The following CNTNAP2 variants were observed in gnomAD, a reference collection of about 807,000 sequenced individuals.
CNTNAP2 encodes the protein contactin associated protein 2.
Under a neutral mutation model 155.2 loss-of-function variants are expected in CNTNAP2, and 98 were observed. That is an observed-to-expected ratio of 0.63 (90% CI 0.54 to 0.75). The LOEUF (loss-of-function observed/expected upper bound fraction) is 0.75. CNTNAP2 is among the 30% of genes least tolerant of loss of function. CNTNAP2 has a pLI of 0.00. For missense variants in CNTNAP2, 1,727 were observed against 1,688.1 expected, an observed-to-expected ratio of 1.02 and a Z score of -0.40; for synonymous variants, 651 against 631.2, an observed-to-expected ratio of 1.03 and a Z score of -0.47.
At chr7:148,027,037 C>G (rs1350151025) in intron 15 of CNTNAP2, among the ~76,000 whole-genome samples, 2 of 152,134 alleles carry the variant, frequency 1.3e-5, no homozygotes, top group Non-Finnish European at 2.9e-5. Context: ...AGTTTCCGAC[C>G]TAAGGGACTT....
intron 9 of CNTNAP2, among the ~76,000 whole-genome samples, chr7:147,332,618 C>T (rs754903739): frequency 6.6e-6 from 1 of 152,116 alleles, no homozygotes; most frequent in Non-Finnish European, 1.5e-5. Flanking sequence ...AATCCCAGCA[C>T]TTTGGGAGAC....
intron 2 of CNTNAP2, among the ~76,000 whole-genome samples, chr7:146,789,664 C>T (rs2129188678): frequency 6.8e-6 from 1 of 148,142 alleles, no homozygotes; most frequent in African/African-American, 2.5e-5. Context: ...AAGATTTGAA[C>T]AGAACAATGA....
At chr7:146,795,979 T>C (rs1487262664) in intron 2 of CNTNAP2, among the ~76,000 whole-genome samples, 1 of 152,158 alleles carries the variant, frequency 6.6e-6, no homozygotes, top group East Asian at 1.9e-4. Flanking sequence ...TCAAAGGGAA[T>C]ACACTTCAAG....
At chr7:147,385,781 A>AG (rs1278249687) in intron 9 of CNTNAP2, among the ~76,000 whole-genome samples, 1 of 152,148 alleles carries the variant, frequency 6.6e-6, no homozygotes, top group Non-Finnish European at 1.5e-5. Flanking sequence ...TGGAGTCTGG[A>AG]GGATGGTGGC....
intron 4 of CNTNAP2, among the ~76,000 whole-genome samples, chr7:147,089,309 C>T (rs552532923): frequency 1.2e-4 from 18 of 152,238 alleles, no homozygotes; most frequent in Non-Finnish European, 2.2e-4. Context: ...CCTAGCATTG[C>T]ACTTCTCTGT....
chr7:148,241,257 C>G (rs147846716), intron 20 of CNTNAP2, among the ~76,000 whole-genome samples: 2 of 152,214 alleles, frequency 1.3e-5, no homozygotes, highest in South Asian at 4.2e-4. Context: ...CCCAATAAAA[C>G]GGTAGTTTTC....
At chr7:147,459,715 A>G (rs2116584680) in intron 10 of CNTNAP2, among the ~76,000 whole-genome samples, 1 of 152,264 alleles carries the variant, frequency 6.6e-6, no homozygotes, top group African/African-American at 2.4e-5. Context: ...TCTCTCCAAC[A>G]AGAACTTCCA....
intron 4 of CNTNAP2, among the ~76,000 whole-genome samples, chr7:147,065,168 C>A (rs1022128886): frequency 1.1e-4 from 17 of 152,148 alleles, no homozygotes; most frequent in African/African-American, 3.6e-4. Context: ...AGTCATTGAC[C>A]TTTTTGGAGC....
At chr7:146,278,400 G>T (rs182960051) in intron 1 of CNTNAP2, among the ~76,000 whole-genome samples, 1 of 152,112 alleles carries the variant, frequency 6.6e-6, no homozygotes, top group East Asian at 1.9e-4. Flanking sequence ...TGAAGATGAT[G>T]AATAAAGAAT....
intron 10 of CNTNAP2, among the ~76,000 whole-genome samples, chr7:147,414,051 T>C (rs768380408): frequency 2.6e-5 from 4 of 152,222 alleles, no homozygotes; most frequent in Non-Finnish European, 4.4e-5. Context: ...TTGTATCACC[T>C]GTTATCTTTG....
chr7:147,557,034 G>A (rs994484689), intron 11 of CNTNAP2, among the ~76,000 whole-genome samples: 5 of 150,608 alleles, frequency 3.3e-5, no homozygotes, highest in Admixed American at 3.3e-4. Context: ...GGGGTCGGGA[G>A]GCTGAGGCAG....
At chr7:147,549,616 G>C (rs557004260) in intron 11 of CNTNAP2, among the ~76,000 whole-genome samples, 17 of 152,264 alleles carry the variant, frequency 1.1e-4, no homozygotes, top group African/African-American at 3.9e-4. Context: ...TGAAGTAAAG[G>C]GGAACCCATA....
At chr7:147,342,600 A>G (rs1187687935) in intron 9 of CNTNAP2, among the ~76,000 whole-genome samples, 1 of 152,196 alleles carries the variant, frequency 6.6e-6, no homozygotes, top group Non-Finnish European at 1.5e-5. Flanking sequence ...ACTTCAGCAC[A>G]CCAAATCAGT....
chr7:148,103,903 CT>C (rs1242500031), intron 15 of CNTNAP2, among the ~76,000 whole-genome samples: 2 of 152,182 alleles, frequency 1.3e-5, no homozygotes, highest in Non-Finnish European at 2.9e-5. Context: ...TATCTCACCC[CT>C]GCCTACAAAG....
At chr7:146,453,513 C>G (rs1021827924) in intron 1 of CNTNAP2, among the ~76,000 whole-genome samples, 6 of 152,136 alleles carry the variant, frequency 3.9e-5, no homozygotes, top group Non-Finnish European at 5.9e-5. Context: ...GTAAAATTCA[C>G]AAGGTCTGTC....
At chr7:146,428,610 T>C (rs1235575185) in intron 1 of CNTNAP2, among the ~76,000 whole-genome samples, 2 of 152,048 alleles carry the variant, frequency 1.3e-5, no homozygotes, top group African/African-American at 2.4e-5. Context: ...TTTTTTTTCT[T>C]TTAATTTTTT....
At chr7:148,111,434 A>G (rs1804349596) in intron 15 of CNTNAP2, among the ~76,000 whole-genome samples, 1 of 152,210 alleles carries the variant, frequency 6.6e-6, no homozygotes, top group Non-Finnish European at 1.5e-5. Flanking sequence ...TTAAAATATG[A>G]TAGCTGAAAT....
At chr7:147,999,037 G>A (rs747991046) in intron 15 of CNTNAP2, among the ~76,000 whole-genome samples, 5 of 152,120 alleles carry the variant, frequency 3.3e-5, no homozygotes, top group Admixed American at 3.3e-4. Context: ...ATCCAACAAC[G>A]CTATACTGAA....
chr7:146,138,566 C>T (rs1054119832), intron 1 of CNTNAP2, among the ~76,000 whole-genome samples: 4 of 152,132 alleles, frequency 2.6e-5, no homozygotes, highest in African/African-American at 9.6e-5. Context: ...AGAAATATAA[C>T]CTTTGGACGT....
Sources: gnomAD v4.1 joint callset for allele counts (sites outside exome capture counted in the v4.1 genomes callset) on GRCh38, gnomAD v4.1.1 for gene constraint, MANE v1.5 for transcripts, NCBI Gene and HGNC (gene_info 2026-07-23, HGNC 2026-07-21) for gene names.